The following RPGRIP1 variants were observed in gnomAD, a reference collection of about 807,000 sequenced individuals.
RPGRIP1 encodes the protein RPGR interacting protein 1, also known as X-linked retinitis pigmentosa GTPase regulator-interacting protein 1.
In RPGRIP1, 128 loss-of-function variants were observed where a neutral mutation model predicts 157.9. That is an observed-to-expected ratio of 0.81 (90% CI 0.70 to 0.94). RPGRIP1 has a LOEUF of 0.94. Ranked by LOEUF, RPGRIP1 falls within the 40% of genes least tolerant of loss-of-function variation. RPGRIP1 has a pLI of 0.00. For missense variants in RPGRIP1, 1,486 were observed against 1,545.8 expected, an observed-to-expected ratio of 0.96 and a Z score of 0.65; for synonymous variants, 554 against 571.6, an observed-to-expected ratio of 0.97 and a Z score of 0.44.
intron 3 of RPGRIP1, among the ~76,000 whole-genome samples, chr14:21,295,278 A>C (rs889665681): frequency 6.6e-6 from 1 of 152,044 alleles, no homozygotes; most frequent in African/African-American, 2.4e-5. Flanking sequence ...AAGAGACTGG[A>C]CAGGTTCCTC....
At position 21,294,723 on chromosome 14, in the gene RPGRIP1, G is replaced by A. The variant is rs1172798705; in HGVS notation, c.132G>A (p.Glu44=). 1.9e-6 allele frequency: 3 copies of A among 1,612,824 alleles called. No individual in the cohort carries two copies. The highest frequency in any genetic ancestry group is 2.2e-5 in the East Asian group (1 of 44,822). ...TQPPLSRMNR[E]ELEDSFFRLR... ...CACCCTTGAGCAGGATGAACCGGGA[G>A]GAATTGGAGGACAGTTTCTTTCGAC... Residue 44 remains glutamate, a synonymous_variant, in exon 3 of 25, where the codon GAG becomes GAA. Coordinates refer to ENST00000400017, the MANE Select transcript of RPGRIP1 (RefSeq NM_020366.4).
intron 21 of RPGRIP1, among the ~76,000 whole-genome samples, chr14:21,337,976 G>C (rs1884562264): frequency 6.6e-6 from 1 of 151,962 alleles, no homozygotes; most frequent in Admixed American, 6.6e-5. Flanking sequence ...GAGTGCAGTG[G>C]TGCGATATCG....
At chr14:21,312,173 T>A (rs1881566256) in intron 9 of RPGRIP1, among the ~76,000 whole-genome samples, 1 of 152,214 alleles carries the variant, frequency 6.6e-6, no homozygotes, top group Non-Finnish European at 1.5e-5. Flanking sequence ...TCCTTGCTCT[T>A]TCATAATGTT....
chr14:21,296,543 G>T (rs919244025), intron 3 of RPGRIP1, among the ~76,000 whole-genome samples: 4 of 150,938 alleles, frequency 2.7e-5, no homozygotes, highest in African/African-American at 7.3e-5. Context: ...TAGAGATGGG[G>T]TTTCACCATG....
At chr14:21,310,435 A>G (rs1881494055) in intron 7 of RPGRIP1, 149 bp from the exon 8 acceptor site, 1 of 525,714 alleles carries the variant, frequency 1.9e-6, no homozygotes, top group East Asian at 3.4e-5. Context: ...GCAGGGGAAA[A>G]ATAGCAACAA....
rs112301712 is a variant in RPGRIP1 at position 21,291,860 on chromosome 14, A to C, written c.86-2817A>C. The stretch of plus-strand genomic sequence containing the variant: ...CTGCAACCTCCACCTCCCAGATTCA[A>C]GCAATTCTCCTGCCTCAGCCTCCCG... On this transcript the variant is annotated intron_variant, in intron 2 of 24. Coordinates refer to ENST00000400017, the MANE Select transcript of RPGRIP1 (RefSeq NM_020366.4). Among the ~76,000 whole-genome samples, 136 of 152,172 alleles carry C rather than the reference A, an allele frequency of 8.9e-4. 2 individuals carry two copies. The highest frequency in any genetic ancestry group is 3.1e-3 in the African/African-American group (127 of 41,528).
chr14:21,325,075 G>A lies in RPGRIP1; in HGVS notation c.2215+5G>A. ...ATGGCTTGGCCACACTGATTGGTAA[G>A]TGCCGTTGGCTTCCTGCGGCTCCTA... On this transcript the variant is annotated splice_donor_5th_base_variant and intron_variant, in intron 15 of 24. Coordinates refer to ENST00000400017, the MANE Select transcript of RPGRIP1 (RefSeq NM_020366.4). The A allele has an allele frequency of 6.2e-7, 1 of 1,600,670 alleles. No homozygotes were observed. The highest frequency in any genetic ancestry group is 8.5e-7 in the Non-Finnish European group (1 of 1,171,112).
At chr14:21,315,303 C>T (rs1261886901) in intron 10 of RPGRIP1, among the ~76,000 whole-genome samples, 1 of 151,754 alleles carries the variant, frequency 6.6e-6, no homozygotes, top group African/African-American at 2.4e-5. Context: ...GTCAGGAGAT[C>T]GAGACCATCC....
At chr14:21,308,208 C>T (rs1276471465) in intron 7 of RPGRIP1, among the ~76,000 whole-genome samples, 4 of 152,202 alleles carry the variant, frequency 2.6e-5, no homozygotes, top group African/African-American at 4.8e-5. Context: ...TTAGCACTTT[C>T]TGTGAGCTGT....
chr14:21,326,885 T>C (rs1239801244), intron 17 of RPGRIP1, among the ~76,000 whole-genome samples: 1 of 152,058 alleles, frequency 6.6e-6, no homozygotes, highest in Non-Finnish European at 1.5e-5. Flanking sequence ...TTTTTTTTCC[T>C]CCCAATGTGG....
At chr14:21,319,872 C>T in intron 11 of RPGRIP1, 145 bp from the exon 12 acceptor site, 1 of 833,096 alleles carries the variant, frequency 1.2e-6, no homozygotes, top group Non-Finnish European at 1.9e-6. Context: ...TAGAGTCCTC[C>T]TCTGTAGAAA....
intron 21 of RPGRIP1, among the ~76,000 whole-genome samples, chr14:21,336,362 C>G (rs922446517): frequency 3.3e-5 from 5 of 152,124 alleles, no homozygotes; most frequent in Admixed American, 3.3e-4. Context: ...AGCAAGACAA[C>G]TGTCTCTACA....
intron 21 of RPGRIP1, among the ~76,000 whole-genome samples, chr14:21,341,156 G>A (rs1210189056): frequency 6.6e-6 from 1 of 152,046 alleles, no homozygotes; most frequent in African/African-American, 2.4e-5. Flanking sequence ...TCAGCCTCCC[G>A]AGTAGCTGGG....
At chr14:21,287,499 C>T (rs74034907) in intron 1 of RPGRIP1, among the ~76,000 whole-genome samples, 2,349 of 152,158 alleles carry the variant, frequency 0.015, 72 homozygotes, top group African/African-American at 0.054. Flanking sequence ...ATTGGTTCAG[C>T]GAGGGTCATT....
intron 20 of RPGRIP1, 149 bp downstream of exon 20, chr14:21,330,536 G>C (rs985390099): frequency 4.0e-6 from 2 of 504,316 alleles, no homozygotes; most frequent in Non-Finnish European, 6.3e-6. Flanking sequence ...TATGGTGGCA[G>C]GCGCCTGTAA....
intron 14 of RPGRIP1, 35 bp downstream of exon 14, chr14:21,322,039 AC>A (rs755099364): frequency 4.5e-6 from 7 of 1,551,568 alleles, no homozygotes; most frequent in Non-Finnish European, 6.2e-6. Context: ...TCACTTCGGG[AC>A]CCTTCCACAG....
Position 21,325,347 on chromosome 14 carries a change from C to G in RPGRIP1, c.2331C>G (p.Thr777=). The change falls in exon 16 of 25, where the codon ACC becomes ACG. Residue 777 remains threonine, a synonymous_variant. Transcript: ENST00000400017. ...KRKKAQVYLS[T]DVLGGRKAQE... is the part of the protein sequence containing the mutation. ...AGAAAGCCCAGGTCTACCTGTCAAC[C>G]GATGTGCTTGGAGGCCGGAAGGCCC... The G allele has an allele frequency of 6.3e-7, 1 of 1,597,828 alleles. No homozygotes were observed. Among genetic ancestry groups the G allele is most frequent in the Non-Finnish European group, 8.5e-7 (1 of 1,172,168 alleles).
intron 24 of RPGRIP1, among the ~76,000 whole-genome samples, chr14:21,349,309 A>G (rs955263668): frequency 6.6e-6 from 1 of 151,284 alleles, no homozygotes; most frequent in Non-Finnish European, 1.5e-5. Flanking sequence ...GACTCAAGCA[A>G]TCCACCCTCT....
At position 21,309,342 on chromosome 14, in the gene RPGRIP1, T is replaced by C. The variant is rs184618065; in HGVS notation, c.907-1242T>C. On this transcript the variant is annotated intron_variant, in intron 7 of 24. Coordinates refer to ENST00000400017, the MANE Select transcript of RPGRIP1 (RefSeq NM_020366.4). Reference sequence around the variant, plus strand: ...GCCCAGACAACATGGCGAAACCCCATCTCTATCAAAAATAGAAAAATTAGA... The same window carrying C: ...GCCCAGACAACATGGCGAAACCCCACCTCTATCAAAAATAGAAAAATTAGA... 8.4e-4 allele frequency among the ~76,000 whole-genome samples: 128 copies of C among 152,010 alleles called. 2 individuals are homozygous for C. The highest frequency in any genetic ancestry group is 2.9e-3 in the African/African-American group (120 of 41,434).
Sources: allele counts gnomAD v4.1 joint callset (sites outside exome capture counted in the v4.1 genomes callset), GRCh38; gene constraint gnomAD v4.1.1; transcripts MANE v1.5; gene names NCBI Gene and HGNC (gene_info 2026-07-23, HGNC 2026-07-21).